DCBLD1: variants seen among roughly 807,000 people sequenced by gnomAD.
DCBLD1 encodes discoidin, CUB and LCCL domain containing 1, also known as discoidin, CUB and LCCL domain-containing protein 1.
Under a neutral mutation model 71.5 loss-of-function variants are expected in DCBLD1, and 57 were observed. The observed-to-expected ratio is 0.80, with a 90% CI of 0.64 to 0.99. The LOEUF (loss-of-function observed/expected upper bound fraction) is 0.99, where lower values mean the gene tolerates loss of function less well. Among genes scored for constraint, DCBLD1 ranks in the 50% least tolerant of loss-of-function variants. The pLI is 0.00. For missense variants in DCBLD1, 891 were observed against 923.5 expected (o/e 0.96, Z 0.46); for synonymous variants, 380 against 363.8 (o/e 1.04, Z -0.51).
At chr6:117,493,117 C>T (rs1407437238) in intron 1 of DCBLD1, among the ~76,000 whole-genome samples, 1 of 152,146 alleles carries the variant, frequency 6.6e-6, no homozygotes, top group Non-Finnish European at 1.5e-5. Flanking sequence ...AAATTTTTAT[C>T]TTGAGGATTT....
At chr6:117,500,212 C>G (rs1368260051) in intron 1 of DCBLD1, among the ~76,000 whole-genome samples, 1 of 152,148 alleles carries the variant, frequency 6.6e-6, no homozygotes. Flanking sequence ...TAGTTAATAC[C>G]CATGGAATAA....
chr6:117,548,555 CAT>C lies in DCBLD1; in HGVS notation c.*117_*118del, dbSNP rs1371565036. 2.0e-6 allele frequency: 3 copies of C among 1,483,448 alleles called. No individual in the cohort carries two copies. Among genetic ancestry groups the C allele is most frequent in the South Asian group, 1.4e-5 (1 of 73,556 alleles). The allele number at this position is 1,483,448 out of a possible 1,614,324, so 91.9% of individuals were successfully genotyped here. ...GTGTATCGGTGTGTGTGTACACTTG[CAT>C]GTGTGTGTGTGATCCAGTAGGATCC... On this transcript the variant is annotated 3_prime_UTR_variant, in exon 15 of 15. Transcript: ENST00000338728.
At chr6:117,493,176 G>A (rs371583510) in intron 1 of DCBLD1, among the ~76,000 whole-genome samples, 1 of 152,046 alleles carries the variant, frequency 6.6e-6, no homozygotes, top group East Asian at 1.9e-4. Flanking sequence ...TAATAAGGAG[G>A]GCTTTTTCAG....
chr6:117,535,962 T>C (rs1263549201), intron 6 of DCBLD1, among the ~76,000 whole-genome samples: 1 of 152,192 alleles, frequency 6.6e-6, no homozygotes, highest in African/African-American at 2.4e-5. Context: ...GCCTGCATTA[T>C]ATTCAGTGCA....
intron 14 of DCBLD1, among the ~76,000 whole-genome samples, chr6:117,557,262 C>A (rs1779506218): frequency 6.6e-6 from 1 of 151,844 alleles, no homozygotes; most frequent in South Asian, 2.1e-4. Context: ...TTCTTAAAGT[C>A]TGTTTTTAAA....
intron 2 of DCBLD1, among the ~76,000 whole-genome samples, chr6:117,512,975 T>A (rs536870406): frequency 3.9e-5 from 6 of 152,300 alleles, no homozygotes; most frequent in African/African-American, 1.2e-4. Context: ...CTTCTATATA[T>A]AAAACAATAA....
At chr6:117,515,711 A>G (rs1165564368) in intron 2 of DCBLD1, among the ~76,000 whole-genome samples, 1 of 152,190 alleles carries the variant, frequency 6.6e-6, no homozygotes, top group East Asian at 1.9e-4. Flanking sequence ...AAAAATCCAT[A>G]TTATTCATTA....
downstream of DCBLD1, among the ~76,000 whole-genome samples, chr6:117,554,358 T>A (rs1364738064): frequency 6.6e-6 from 1 of 152,220 alleles, no homozygotes; most frequent in Non-Finnish European, 1.5e-5. Context: ...AACTTTATTA[T>A]GTTAAGAAAG....
At chr6:117,486,897 T>A (rs894255604) in intron 1 of DCBLD1, among the ~76,000 whole-genome samples, 5 of 152,186 alleles carry the variant, frequency 3.3e-5, no homozygotes, top group Non-Finnish European at 1.5e-5. Flanking sequence ...GTTCGCCTCC[T>A]GTCAGATCAG....
At chr6:117,501,877 C>T (rs1171486306) in intron 1 of DCBLD1, among the ~76,000 whole-genome samples, 1 of 152,168 alleles carries the variant, frequency 6.6e-6, no homozygotes, top group Admixed American at 6.5e-5. Flanking sequence ...CCCAAACCTG[C>T]TCCCTCTCTG....
intron 1 of DCBLD1, among the ~76,000 whole-genome samples, chr6:117,483,963 A>G (rs939024820): frequency 6.6e-6 from 1 of 152,130 alleles, no homozygotes; most frequent in African/African-American, 2.4e-5. Context: ...TCCTAAGTTT[A>G]TATTACATAC....
chr6:117,548,259 C>A lies in DCBLD1; in HGVS notation c.1968C>A (p.His656Gln). The change falls in exon 15 of 15, where the codon CAC (histidine) becomes CAA (glutamine). Residue 656 changes from histidine to glutamine, a missense_variant. Coordinates refer to ENST00000338728, the MANE Select transcript of DCBLD1 (RefSeq NM_001366458.2). ...AGGACGGAGACTATCAAAGGCCACA[C>A]AGCGCACAGCCTGCGGACAGGGGCT... ...GAQDGDYQRP[H>Q]SAQPADRGYD... 1 of 1,550,672 alleles carries A rather than the reference C, an allele frequency of 6.4e-7. No homozygotes were observed. Among genetic ancestry groups the A allele is most frequent in the Non-Finnish European group, 8.7e-7 (1 of 1,147,004 alleles).
chr6:117,545,057 T>C (rs921755409), intron 13 of DCBLD1, among the ~76,000 whole-genome samples: 2 of 151,094 alleles, frequency 1.3e-5, no homozygotes, highest in African/African-American at 4.9e-5. Context: ...AGCAATGAGT[T>C]AGCCATGGTC....
At chr6:117,541,734 A>G (rs1196585232) in intron 11 of DCBLD1, among the ~76,000 whole-genome samples, 3 of 152,186 alleles carry the variant, frequency 2.0e-5, no homozygotes, top group African/African-American at 7.2e-5. Flanking sequence ...ATAATCACCA[A>G]ATCTCACTGT....
chr6:117,532,459 C>T (rs1583016434), intron 6 of DCBLD1, 66 bp downstream of exon 6: 1 of 1,473,298 alleles, frequency 6.8e-7, no homozygotes. Context: ...AATTAACCAG[C>T]TCACAACTTT....
At chr6:117,528,762 A>G (rs952100015) in intron 5 of DCBLD1, among the ~76,000 whole-genome samples, 2 of 152,186 alleles carry the variant, frequency 1.3e-5, no homozygotes, top group African/African-American at 4.8e-5. Context: ...TTTGTTTAAG[A>G]TAATTTACTA....
intron 2 of DCBLD1, among the ~76,000 whole-genome samples, chr6:117,510,639 G>C (rs1271706781): frequency 2.6e-5 from 4 of 152,174 alleles, no homozygotes; most frequent in Non-Finnish European, 4.4e-5. Context: ...TTCAGTCAGT[G>C]TTTTAGGACT....
At chr6:117,539,073 G>A in intron 8 of DCBLD1, 182 bp from the exon 9 acceptor site, 1 of 692,910 alleles carries the variant, frequency 1.4e-6, no homozygotes, top group South Asian at 2.1e-5. Context: ...TCTTTATATG[G>A]TGTATTGTCA....
At chr6:117,543,859 G>C (rs1347445332) in intron 12 of DCBLD1, among the ~76,000 whole-genome samples, 1 of 152,144 alleles carries the variant, frequency 6.6e-6, no homozygotes, top group Non-Finnish European at 1.5e-5. Flanking sequence ...CCCCAAGCCT[G>C]TTTCCTTATG....
Sources: gnomAD v4.1 joint callset for allele counts (sites outside exome capture counted in the v4.1 genomes callset) on GRCh38, gnomAD v4.1.1 for gene constraint, MANE v1.5 for transcripts, NCBI Gene and HGNC (gene_info 2026-07-23, HGNC 2026-07-21) for gene names.